STARD9: variants seen among roughly 807,000 people sequenced by gnomAD.
STARD9 encodes the protein StAR related lipid transfer domain containing 9.
A neutral mutation model predicts 399.8 loss-of-function variants in STARD9; 346 were observed. That is an observed-to-expected ratio of 0.87 (90% CI 0.79 to 0.95). The LOEUF (loss-of-function observed/expected upper bound fraction) is 0.95, where lower values mean the gene tolerates loss of function less well. STARD9 is among the 40% of genes least tolerant of loss of function. The probability of loss-of-function intolerance (pLI) is 0.00; values close to 1 mark genes in which losing one functional copy is unlikely to be tolerated. For synonymous variants in STARD9, 2,203 were observed against 2,143.5 expected, an observed-to-expected ratio of 1.03 and a Z score of -0.77; for missense variants, 5,832 against 5,667.5, an observed-to-expected ratio of 1.03 and a Z score of -0.93.
At position 42,693,483 on chromosome 15, in the gene STARD9, C is replaced by T. The variant is rs1287891701; in HGVS notation, c.11905C>T (p.Gln3969Ter). Residue 3969 changes from glutamine (Q) to a stop codon, truncating the protein, a stop_gained, in exon 23 of 33, where the codon CAA becomes TAA. Coordinates refer to ENST00000290607, the MANE Select transcript of STARD9 (RefSeq NM_020759.3). LOFTEE classifies it high-confidence loss of function. Reference protein sequence around the residue: ...GGSQRGRSSLQRSNGRSFLEL... With the variant: ...GGSQRGRSSL ...CTCCCAGAGAGGTAGAAGTTCCTTA[C>T]AAAGGAGTAATGGGAGATCCTTCCT... 6.5e-7 allele frequency: 1 copy of T among 1,537,254 alleles called. No individual in the cohort carries two copies. Among genetic ancestry groups the T allele is most frequent in the South Asian group, 1.2e-5 (1 of 84,058 alleles).
At position 42,662,782 on chromosome 15, in the gene STARD9, A is replaced by G. The variant is rs905917156; in HGVS notation, c.771-12A>G. On this transcript the variant is annotated splice_polypyrimidine_tract_variant and intron_variant, in intron 10 of 32. Coordinates refer to ENST00000290607, the MANE Select transcript of STARD9 (RefSeq NM_020759.3). ...TTGCTTTTGTTTTTGTTTTTCATTG[A>G]CTGTGTTTTAGCGAAAGAGCAGATC... 1.3e-6 allele frequency: 2 copies of G among 1,529,876 alleles called. No individual in the cohort carries two copies. The highest frequency in any genetic ancestry group is 2.7e-5 in the African/African-American group (2 of 72,842). 94.8% of individuals were successfully genotyped at this position (1,529,876 alleles called of 1,614,324 possible). A position where few individuals can be genotyped will look rare whatever the true frequency, so the allele number is the denominator to read the frequency against.
At position 42,588,776 on chromosome 15, in the gene STARD9, G is replaced by GTTTTTTTTTTT. The variant is rs758570571; in HGVS notation, c.234+3168_234+3178dup. Among the ~76,000 whole-genome samples the GTTTTTTTTTTT allele has an allele frequency of 5.2e-5, 2 of 38,414 alleles. 1 individual carries two copies. The highest frequency in any genetic ancestry group is 2.1e-3 in the East Asian group (2 of 972). 25.2% of individuals were successfully genotyped at this position (38,414 alleles called of 152,430 possible). ...TAACCCAGTTTATCCTCTTCACAGC[G>GTTTTTTTTTTT]TTTTTTTTTTTTTTTTTTTTTTTTT... On this transcript the variant is annotated intron_variant, in intron 3 of 32. Transcript: ENST00000290607.
chr15:42,686,750 G>T lies in STARD9; in HGVS notation c.5172G>T (p.Glu1724Asp), dbSNP rs891685188. 7 of 1,537,406 alleles carry T rather than the reference G, an allele frequency of 4.6e-6. No homozygotes were observed. The African/African-American group carries it at 6.8e-5, about 15-fold the overall frequency. ...CCTTTGCCCTTCCTTCAGGTCCAGA[G>T]CTATACCTTCACTCTGCTCCCTGGA... ...NVSFALPSGP[E>D]LYLHSAPWNP... The change falls in exon 23 of 33, where the codon GAG (glutamate) becomes GAT (aspartate). Residue 1724 changes from glutamate to aspartate, a missense_variant. By Grantham distance (45) the Glu-to-Asp change is conservative. Around this residue, in one of 2 missense-constraint regions of STARD9, gnomAD observed 5,828 missense variants for 5,651.1 expected, o/e 1.03. Transcript: ENST00000290607.
Position 42,583,386 on chromosome 15 carries a change from G to A in STARD9, c.88G>A (p.Gly30Ser), listed in dbSNP as rs1323993130. 3 of 1,537,100 alleles carry A rather than the reference G, an allele frequency of 2.0e-6. No individual in the cohort carries two copies. Among genetic ancestry groups the A allele is most frequent in the East Asian group, 2.4e-5 (1 of 40,912 alleles). Residue 30 changes from glycine to serine, a missense_variant, in exon 2 of 33, where the codon GGC becomes AGC. By Grantham distance (56) the Gly-to-Ser change is moderately conservative (BLOSUM62 0). Transcript: ENST00000290607. ...GGGAAGAATTATTGTGGAAGTTGAT[G>A]GCAAAGTGGCAAAAATCAGGAATTT... ...EGGRIIVEVD[G>S]KVAKIRNLKV...
At chr15:42,636,539 C>T (rs2059420559) in intron 4 of STARD9, among the ~76,000 whole-genome samples, 1 of 152,056 alleles carries the variant, frequency 6.6e-6, no homozygotes, top group South Asian at 2.1e-4. Flanking sequence ...TGAGATTGTG[C>T]CATTGCACTC....
intron 3 of STARD9, among the ~76,000 whole-genome samples, chr15:42,587,138 G>A (rs1342906852): frequency 6.6e-6 from 1 of 152,150 alleles, no homozygotes; most frequent in East Asian, 1.9e-4. Flanking sequence ...TTATAGGCAT[G>A]AGTAACTGCA....
chr15:42,719,282 T>G (rs557090778), intron 32 of STARD9, among the ~76,000 whole-genome samples, 191 bp from the exon 33 acceptor site: 3 of 152,266 alleles, frequency 2.0e-5, no homozygotes, highest in Admixed American at 2.0e-4. Flanking sequence ...CCTTGACTTG[T>G]ACTTTGTCAC....
chr15:42,663,235 C>A (rs1289650774), intron 11 of STARD9, 46 bp from the exon 12 acceptor site: 3 of 1,475,374 alleles, frequency 2.0e-6, no homozygotes, highest in Non-Finnish European at 2.7e-6. Context: ...AATATATTTG[C>A]TTCATAATTC....
At chr15:42,703,891 G>T (rs1421287708) in intron 26 of STARD9, among the ~76,000 whole-genome samples, 1 of 151,776 alleles carries the variant, frequency 6.6e-6, no homozygotes, top group African/African-American at 2.4e-5. Context: ...ATTTTTAAAA[G>T]ATTATTATTA....
intron 15 of STARD9, among the ~76,000 whole-genome samples, chr15:42,667,150 T>G (rs1299196160): frequency 6.6e-6 from 1 of 150,692 alleles, no homozygotes; most frequent in East Asian, 2.0e-4. Flanking sequence ...TGGTGGGCAG[T>G]TTTTTTTGTT....
intron 15 of STARD9, among the ~76,000 whole-genome samples, chr15:42,668,421 G>A (rs141743664): frequency 9.5e-4 from 143 of 150,458 alleles, no homozygotes; most frequent in African/African-American, 3.4e-3. Context: ...CCATTCCCAG[G>A]ATAAGCTCAA....
At chr15:42,597,998 A>ATGTGTG (rs770352086) in intron 3 of STARD9, among the ~76,000 whole-genome samples, 17,598 of 111,816 alleles carry the variant, frequency 0.16, 1,556 homozygotes, top group Non-Finnish European at 0.19. Flanking sequence ...TTGTATATAT[A>ATGTGTG]TATGTGTGTG....
chr15:42,638,683 T>C lies in STARD9; in HGVS notation c.447-17T>C. ...TTTCAAAATATAATTATGTTGCCTTTTTCTACTTAACTCTAGTTTTCTAGA... is the reference window on the plus strand; with the variant it reads ...TTTCAAAATATAATTATGTTGCCTTCTTCTACTTAACTCTAGTTTTCTAGA... On this transcript the variant is annotated splice_polypyrimidine_tract_variant and intron_variant, in intron 6 of 32. Coordinates refer to ENST00000290607, the MANE Select transcript of STARD9 (RefSeq NM_020759.3). The C allele has an allele frequency of 3.4e-6, 5 of 1,487,668 alleles. No homozygotes were observed. The highest frequency in any genetic ancestry group is 4.5e-6 in the Non-Finnish European group (5 of 1,112,634). 92.2% of individuals were successfully genotyped at this position (1,487,668 alleles called of 1,614,324 possible).
intron 26 of STARD9, among the ~76,000 whole-genome samples, chr15:42,709,241 A>G (rs1290792333): frequency 1.3e-5 from 2 of 152,200 alleles, no homozygotes; most frequent in East Asian, 1.9e-4. Flanking sequence ...ACACACACAC[A>G]CACAAAAGCT....
chr15:42,578,339 G>A (rs887757500), intron 1 of STARD9, among the ~76,000 whole-genome samples: 53 of 151,998 alleles, frequency 3.5e-4, no homozygotes, highest in African/African-American at 1.3e-3. Context: ...TCAAACTCCT[G>A]ACCTCACCTG....
At position 42,689,329 on chromosome 15, in the gene STARD9, C is replaced by G. The variant is rs1256108020; in HGVS notation, c.7751C>G (p.Pro2584Arg). The G allele has an allele frequency of 3.9e-6, 6 of 1,537,246 alleles. No homozygotes were observed. The highest frequency in any genetic ancestry group is 3.3e-4 in the Middle Eastern group (2 of 5,990). Residue 2584 changes from proline to arginine, a missense_variant, in exon 23 of 33, where the codon CCC becomes CGC. Physicochemically the swap from Pro to Arg is moderately radical, Grantham distance 103 (BLOSUM62 -2). This residue lies in a region of STARD9 where 5,828 missense variants were observed against 5,651.1 expected (regional missense o/e 1.03). Transcript: ENST00000290607. ...VLSYCETLLE[P>R]ECSSRVAGRP... is the part of the protein sequence containing the mutation. ...TCTTACTGTGAAACTTTACTAGAAC[C>G]CGAATGTTCTTCAAGGGTTGCTGGC...
At chr15:42,681,394 T>A (rs2060424257) in intron 20 of STARD9, 28 bp from the exon 21 acceptor site, 1 of 1,526,646 alleles carries the variant, frequency 6.6e-7, no homozygotes, top group African/African-American at 1.4e-5. Flanking sequence ...CATTTCCCCT[T>A]GGGTAACCTC....
At position 42,692,524 on chromosome 15, in the gene STARD9, G is replaced by C; in HGVS notation, c.10946G>C (p.Arg3649Pro). 1.3e-6 allele frequency: 2 copies of C among 1,537,130 alleles called. No homozygotes were observed. Among genetic ancestry groups the C allele is most frequent in the Non-Finnish European group, 1.7e-6 (2 of 1,146,900 alleles). The stretch of plus-strand genomic sequence containing the variant: ...GGCACACAGACCCTCGGCAGCAGGC[G>C]CCACTGGAGCAGCACTGACATCTCC... ...EQGTQTLGSR[R>P]HWSSTDISFA... is the part of the protein sequence containing the mutation. The change falls in exon 23 of 33, where the codon CGC (arginine) becomes CCC (proline). Residue 3649 changes from arginine to proline, a missense_variant. This residue lies in a region of STARD9 where 5,828 missense variants were observed against 5,651.1 expected (regional missense o/e 1.03). Transcript: ENST00000290607.
In STARD9 at chr15:42,694,077, G is replaced by A. The variant is rs764843092; in HGVS notation, c.12499G>A (p.Gly4167Ser). Reference protein sequence around the residue: ...DMTEEELGASGDLSSEKQEQS... With the variant: ...DMTEEELGASSDLSSEKQEQS... ...GACTGAGGAGGAGCTGGGGGCCAGCGGTGATCTCAGCTCTGAAAAGCAGGA... is the reference window on the plus strand; with the variant it reads ...GACTGAGGAGGAGCTGGGGGCCAGCAGTGATCTCAGCTCTGAAAAGCAGGA... The change falls in exon 23 of 33, where the codon GGT becomes AGT. Residue 4167 changes from glycine to serine, a missense_variant. This residue lies in a region of STARD9 where 5,828 missense variants were observed against 5,651.1 expected (regional missense o/e 1.03). Coordinates refer to ENST00000290607, the MANE Select transcript of STARD9 (RefSeq NM_020759.3). 68 of 1,536,830 alleles carry A rather than the reference G, an allele frequency of 4.4e-5. 1 individual carries two copies. Among genetic ancestry groups the A allele is most frequent in the African/African-American group, 1.2e-4 (9 of 73,028 alleles).
Sources: gnomAD v4.1 joint callset for allele counts (sites outside exome capture counted in the v4.1 genomes callset) on GRCh38, gnomAD v4.1.1 for gene constraint, gnomAD v4.1.1 regional missense constraint, MANE v1.5 for transcripts, NCBI Gene and HGNC (gene_info 2026-07-23, HGNC 2026-07-21) for gene names.